The following SCAI variants were observed in gnomAD, a reference collection of about 807,000 sequenced individuals.
SCAI encodes the protein protein SCAI.
SCAI carries 24 observed loss-of-function variants against 92.2 expected under a neutral mutation model. The observed-to-expected ratio is 0.26, with a 90% confidence interval of 0.19 to 0.37. The LOEUF (loss-of-function observed/expected upper bound fraction) is 0.37, where lower values mean the gene tolerates loss of function less well. SCAI is among the 10% of genes least tolerant of loss of function. The pLI is 1.00. For synonymous variants in SCAI, 261 were observed against 258.6 expected (o/e 1.01, Z -0.09); for missense variants, 450 against 736.2 (o/e 0.61, Z 4.50).
intron 17 of SCAI, among the ~76,000 whole-genome samples, chr9:124,963,728 A>C (rs1394314944): frequency 6.8e-6 from 1 of 146,174 alleles, no homozygotes; most frequent in Non-Finnish European, 1.5e-5. Context: ...CCAGCCTTCC[A>C]ACCTGGGCAA....
At position 124,952,043 on chromosome 9, in the gene SCAI, T is replaced by C. The variant is rs1407070568; in HGVS notation, c.*764A>G. The C allele has an allele frequency of 1.3e-5, 2 of 152,218 alleles. No homozygotes were observed. Among genetic ancestry groups the C allele is most frequent in the Admixed American group, 1.3e-4 (2 of 15,284 alleles). The allele number at this position is 152,218 out of a possible 1,614,324, so 9.4% of individuals were successfully genotyped here. A position where few individuals can be genotyped will look rare whatever the true frequency, so the allele number is the denominator to read the frequency against. On this transcript the variant is annotated 3_prime_UTR_variant, in exon 18 of 18. Transcript: ENST00000336505. ...ACCAAGAGTTTAAATAGAATTCCTA[T>C]TGGAGACATTGTATTATGAAACCAA...
At chr9:125,137,798 C>T (rs535922724) in intron 2 of SCAI, among the ~76,000 whole-genome samples, 6 of 152,174 alleles carry the variant, frequency 3.9e-5, no homozygotes, top group East Asian at 1.9e-4. Context: ...GATGGGGTTT[C>T]GTCATGTTGG....
chr9:125,016,031 G>A (rs1832749824), intron 9 of SCAI, among the ~76,000 whole-genome samples: 1 of 113,774 alleles, frequency 8.8e-6, no homozygotes, highest in East Asian at 3.0e-4. Flanking sequence ...GGACTGTTGT[G>A]GGGCGGGGGG....
At chr9:125,056,763 G>T (rs1833676115) in intron 2 of SCAI, among the ~76,000 whole-genome samples, 1 of 151,942 alleles carries the variant, frequency 6.6e-6, no homozygotes, top group Non-Finnish European at 1.5e-5. Flanking sequence ...CAACCTAAAG[G>T]CCCCAAAGAC....
chr9:125,138,019 C>A (rs1835576582), intron 2 of SCAI, among the ~76,000 whole-genome samples: 1 of 152,158 alleles, frequency 6.6e-6, no homozygotes, highest in African/African-American at 2.4e-5. Context: ...CCAAAGCAAC[C>A]ATTAGCAATG....
chr9:125,055,102 T>C (rs1182335279), intron 3 of SCAI, among the ~76,000 whole-genome samples: 1 of 152,182 alleles, frequency 6.6e-6, no homozygotes, highest in Non-Finnish European at 1.5e-5. Flanking sequence ...TGGGGATGTA[T>C]AATACAATTG....
At chr9:125,132,636 C>T (rs1176620105) in intron 2 of SCAI, among the ~76,000 whole-genome samples, 3 of 152,172 alleles carry the variant, frequency 2.0e-5, no homozygotes, top group Non-Finnish European at 4.4e-5. Flanking sequence ...TTCTTACCGT[C>T]CCAAACTTGC....
chr9:125,135,306 T>A (rs1835498044), intron 2 of SCAI, among the ~76,000 whole-genome samples: 1 of 152,244 alleles, frequency 6.6e-6, no homozygotes, highest in Admixed American at 6.6e-5. Flanking sequence ...ACTCAGCCAC[T>A]AACTAACACC....
chr9:125,063,226 T>A (rs637473), intron 2 of SCAI, among the ~76,000 whole-genome samples: 7 of 150,798 alleles, frequency 4.6e-5, no homozygotes, highest in Non-Finnish European at 1.5e-5. Flanking sequence ...CTGGCCAACA[T>A]GGCAAAACAG....
chr9:125,110,203 G>T (rs911341639), intron 2 of SCAI, among the ~76,000 whole-genome samples: 1 of 152,150 alleles, frequency 6.6e-6, no homozygotes, highest in African/African-American at 2.4e-5. Flanking sequence ...GTATGACCTT[G>T]AACAGATCAT....
intron 9 of SCAI, 148 bp from the exon 10 acceptor site, chr9:125,003,718 A>C: frequency 1.7e-6 from 1 of 599,246 alleles, no homozygotes; most frequent in Non-Finnish European, 3.0e-6. Context: ...AGAAATTTTC[A>C]AGCGATGGAA....
rs1182416568 is a variant in SCAI at position 125,091,225 on chromosome 9, A to G, written c.99-35218T>C. On this transcript the variant is annotated intron_variant, in intron 2 of 17. Transcript: ENST00000336505. This position sits in a 1 kb window ranked among gnomAD's most constrained non-coding sequence, Gnocchi z 4.3. ...CAGACTCCCCTAGGGGCATGACTTC[A>G]GCCATGATTACAGATATTTGGATTC... 6.6e-6 allele frequency among the ~76,000 whole-genome samples: 1 copy of G among 152,226 alleles called. No homozygotes were observed. Among genetic ancestry groups the G allele is most frequent in the East Asian group, 1.9e-4 (1 of 5,200 alleles).
chr9:125,079,869 T>A (rs1265434194), intron 2 of SCAI, among the ~76,000 whole-genome samples: 3 of 152,192 alleles, frequency 2.0e-5, no homozygotes, highest in Non-Finnish European at 2.9e-5. Context: ...AAAGCAGGAA[T>A]TAGACCCCAA....
intron 9 of SCAI, among the ~76,000 whole-genome samples, chr9:125,018,091 TTTA>T (rs1052355608): frequency 6.6e-6 from 1 of 151,894 alleles, no homozygotes; most frequent in African/African-American, 2.4e-5. Context: ...TTTTGGAAAC[TTTA>T]TTATTATTAT....
intron 2 of SCAI, among the ~76,000 whole-genome samples, chr9:125,078,774 G>A (rs867868584): frequency 7.2e-5 from 11 of 152,224 alleles, no homozygotes; most frequent in Non-Finnish European, 1.2e-4. Context: ...AGGTGGATGT[G>A]GTGGTGCACA....
intron 3 of SCAI, among the ~76,000 whole-genome samples, chr9:125,053,396 T>C (rs955536788): frequency 2.6e-5 from 4 of 152,184 alleles, no homozygotes; most frequent in African/African-American, 9.7e-5. Flanking sequence ...AGGACTATTA[T>C]TCTTGATAGC....
intron 2 of SCAI, among the ~76,000 whole-genome samples, chr9:125,103,101 C>T (rs1834711485): frequency 6.6e-6 from 1 of 152,116 alleles, no homozygotes; most frequent in Non-Finnish European, 1.5e-5. Flanking sequence ...TCAATGGTTT[C>T]CTCAGAGGCC....
At chr9:125,058,994 T>C (rs1833724444) in intron 2 of SCAI, among the ~76,000 whole-genome samples, 1 of 152,126 alleles carries the variant, frequency 6.6e-6, no homozygotes, top group East Asian at 1.9e-4. Context: ...TCAATATAGA[T>C]ATAAATAAAT....
At chr9:125,031,189 C>T (rs1209111414) in intron 3 of SCAI, among the ~76,000 whole-genome samples, 2 of 151,916 alleles carry the variant, frequency 1.3e-5, no homozygotes, top group Non-Finnish European at 2.9e-5. Context: ...GGTATGGCTA[C>T]AGGTACATGG....
Sources: allele counts gnomAD v4.1 joint callset (sites outside exome capture counted in the v4.1 genomes callset), GRCh38; gene constraint gnomAD v4.1.1; non-coding constraint Gnocchi (gnomAD v3.1); transcripts MANE v1.5; gene names NCBI Gene and HGNC (gene_info 2026-07-23, HGNC 2026-07-21).